The following PRDM10 variants were observed in gnomAD, a reference collection of about 807,000 sequenced individuals.
PRDM10 encodes the protein PR/SET domain 10, also known as PR domain zinc finger protein 10.
A neutral mutation model predicts 133.1 loss-of-function variants in PRDM10; 65 were observed. That is an observed-to-expected ratio of 0.49 (90% CI 0.40 to 0.60). The LOEUF is 0.60. Among genes scored for constraint, PRDM10 ranks in the 20% least tolerant of loss-of-function variants. PRDM10 has a pLI of 0.00. For missense variants in PRDM10, 1,137 were observed against 1,507.1 expected, an observed-to-expected ratio of 0.75 and a Z score of 4.07; for synonymous variants, 582 against 580.4, an observed-to-expected ratio of 1.00 and a Z score of -0.04.
intron 1 of PRDM10, among the ~76,000 whole-genome samples, chr11:129,977,369 C>T (rs928303526): frequency 1.3e-5 from 2 of 151,718 alleles, no homozygotes; most frequent in Non-Finnish European, 2.9e-5. Context: ...CTGCAATCTC[C>T]GACTCCCTGG....
Position 129,945,341 on chromosome 11 carries a change from G to A in PRDM10, c.521-329C>T, listed in dbSNP as rs1951371351. ...AACATGTCTGAAGAGTAAAAAGAGC[G>A]TATCAGGCTAAATGTTGCACTATCT... On this transcript the variant is annotated intron_variant, in intron 5 of 20. Coordinates refer to ENST00000360871, the MANE Select transcript of PRDM10 (RefSeq NM_199437.2). This position sits in a 1 kb window ranked among gnomAD's most constrained non-coding sequence, Gnocchi z 4.2. Among the ~76,000 whole-genome samples, 1 of 152,118 alleles carries A rather than the reference G, an allele frequency of 6.6e-6. No homozygotes were observed. Among genetic ancestry groups the A allele is most frequent in the South Asian group, 2.1e-4 (1 of 4,822 alleles).
chr11:129,946,715 C>T (rs1220978872), intron 5 of PRDM10, among the ~76,000 whole-genome samples: 2 of 152,120 alleles, frequency 1.3e-5, no homozygotes, highest in East Asian at 1.9e-4. Context: ...AGGGCACTCA[C>T]GCCTGGGATA....
chr11:129,956,825 T>C (rs1951705299), intron 3 of PRDM10, among the ~76,000 whole-genome samples: 1 of 152,166 alleles, frequency 6.6e-6, no homozygotes, highest in Non-Finnish European at 1.5e-5. Flanking sequence ...TGAGGGCAAA[T>C]TTTTCTTACC....
At chr11:129,956,712 T>C (rs1282853000) in intron 3 of PRDM10, among the ~76,000 whole-genome samples, 1 of 152,232 alleles carries the variant, frequency 6.6e-6, no homozygotes, top group East Asian at 1.9e-4. Flanking sequence ...AAAGTACCAC[T>C]AAGTCTTCAG....
intron 1 of PRDM10, among the ~76,000 whole-genome samples, chr11:129,971,788 G>A (rs981360318): frequency 3.5e-4 from 53 of 152,222 alleles, no homozygotes; most frequent in African/African-American, 2.4e-4. Context: ...ATCCCGCACC[G>A]GGGCTGCAGG....
At chr11:129,909,387 T>C (rs1591572172) in intron 19 of PRDM10, among the ~76,000 whole-genome samples, 1 of 150,988 alleles carries the variant, frequency 6.6e-6, no homozygotes, top group South Asian at 2.1e-4. Context: ...GAGGCGGAGG[T>C]TGCAGTGAGC....
At chr11:129,904,466 A>T (rs1949949168) in intron 20 of PRDM10, among the ~76,000 whole-genome samples, 1 of 152,176 alleles carries the variant, frequency 6.6e-6, no homozygotes, top group Non-Finnish European at 1.5e-5. Context: ...GCTGTACACA[A>T]GATCTCCAGA....
Position 129,947,731 on chromosome 11 carries a change from G to A in PRDM10, c.295-361C>T. 1 of 422,770 alleles carries A rather than the reference G, an allele frequency of 2.4e-6. No homozygotes were observed. The highest frequency in any genetic ancestry group is 2.4e-5 in the South Asian group (1 of 41,370). 26.2% of individuals were successfully genotyped at this position (422,770 alleles called of 1,614,324 possible). On this transcript the variant is annotated intron_variant, in intron 4 of 20. Transcript: ENST00000360871. The surrounding 1 kb of genome is among the most constrained non-coding windows in gnomAD (Gnocchi z 4.6). ...CCACCCCTAAAACTTAATAAAACCT[G>A]GTCTCTTCCTGGCTCATTCAGCCGT...
At chr11:129,996,516 A>T (rs1939072280) in intron 1 of PRDM10, among the ~76,000 whole-genome samples, 1 of 152,232 alleles carries the variant, frequency 6.6e-6, no homozygotes, top group African/African-American at 2.4e-5. Context: ...ACTCCACAGC[A>T]GAGGGGAACC....
At position 129,947,314 on chromosome 11, in the gene PRDM10, G is replaced by A. The variant is rs761246697; in HGVS notation, c.351C>T (p.Ser117=). 16 of 1,613,586 alleles carry A rather than the reference G, an allele frequency of 9.9e-6. No individual in the cohort carries two copies. Among genetic ancestry groups the A allele is most frequent in the Middle Eastern group, 3.3e-4 (2 of 6,084 alleles). Residue 117 remains serine (S), a synonymous_variant, in exon 5 of 21, where the codon TCC becomes TCT. Coordinates refer to ENST00000360871, the MANE Select transcript of PRDM10 (RefSeq NM_199437.2). This position sits in a 1 kb window ranked among gnomAD's most constrained non-coding sequence, Gnocchi z 4.6. ...GGGTCTGCAGAGTTGCCAAAGGGTC[G>A]GACCCATCTACACTCTCGATGGAAG... ...VLPSIESVDG[S]DPLATLQTPL...
chr11:129,998,401 G>C (rs1939172765), intron 1 of PRDM10, among the ~76,000 whole-genome samples: 1 of 152,054 alleles, frequency 6.6e-6, no homozygotes, highest in Non-Finnish European at 1.5e-5. Context: ...GGAGGAGGAG[G>C]AGCATTTGAC....
intron 17 of PRDM10, among the ~76,000 whole-genome samples, chr11:129,912,578 C>G (rs371792147): frequency 6.6e-6 from 1 of 151,674 alleles, no homozygotes; most frequent in African/African-American, 2.4e-5. Context: ...GGTGAAACCC[C>G]GTCTCTACTG....
At chr11:129,903,405 AT>A (rs1212315691) in intron 20 of PRDM10, among the ~76,000 whole-genome samples, 2 of 151,826 alleles carry the variant, frequency 1.3e-5, no homozygotes, top group Non-Finnish European at 2.9e-5. Context: ...TCAAATAGAC[AT>A]TTTAACACTC....
intron 9 of PRDM10, 122 bp downstream of exon 9, chr11:129,934,979 T>C: frequency 2.7e-6 from 2 of 732,370 alleles, no homozygotes; most frequent in Non-Finnish European, 4.6e-6. Context: ...GTTCCCTCAG[T>C]AGCCCACCTG....
At chr11:129,915,235 C>T (rs147551137) in intron 16 of PRDM10, among the ~76,000 whole-genome samples, 49 of 152,192 alleles carry the variant, frequency 3.2e-4, no homozygotes, top group Admixed American at 5.2e-4. Flanking sequence ...CCTGACCTCA[C>T]ACCATCAGCA....
chr11:129,902,230 C>A lies in PRDM10; in HGVS notation c.*83G>T. Reference sequence around the variant, plus strand: ...ACTCTTGAGTGAATAATAAATCTTACAAAAGAGCTCTACGTGTCAGAGCTT... The same window carrying A: ...ACTCTTGAGTGAATAATAAATCTTAAAAAAGAGCTCTACGTGTCAGAGCTT... On this transcript the variant is annotated 3_prime_UTR_variant, in exon 21 of 21. Coordinates refer to ENST00000360871, the MANE Select transcript of PRDM10 (RefSeq NM_199437.2). The A allele has an allele frequency of 6.7e-7, 1 of 1,485,308 alleles. No homozygotes were observed. The highest frequency in any genetic ancestry group is 9.1e-7 in the Non-Finnish European group (1 of 1,095,074). 92.0% of individuals were successfully genotyped at this position (1,485,308 alleles called of 1,614,324 possible).
At chr11:129,943,152 A>C (rs1195151330) in intron 6 of PRDM10, among the ~76,000 whole-genome samples, 1 of 152,192 alleles carries the variant, frequency 6.6e-6, no homozygotes, top group Non-Finnish European at 1.5e-5. Flanking sequence ...AGTTCTCTGG[A>C]GTGGTTATCC....
rs190321325 is a variant in PRDM10 at position 129,997,381 on chromosome 11, G to A, written c.-119+5341C>T. Among the ~76,000 whole-genome samples the A allele has an allele frequency of 1.7e-4, 26 of 149,970 alleles. No homozygotes were observed. In the East Asian group the frequency reaches 2.7e-3, roughly 16 times the overall value. On this transcript the variant is annotated intron_variant, in intron 1 of 20. Transcript: ENST00000360871. ...TGTACTGCCAGCTACTTGGGAGGCCGAGGTGGGAGGATCACTTGAGCCTGG... is the reference window on the plus strand; with the variant it reads ...TGTACTGCCAGCTACTTGGGAGGCCAAGGTGGGAGGATCACTTGAGCCTGG...
At chr11:129,929,881 G>A (rs1950799154) in intron 11 of PRDM10, among the ~76,000 whole-genome samples, 1 of 152,160 alleles carries the variant, frequency 6.6e-6, no homozygotes, top group African/African-American at 2.4e-5. Context: ...AAAGGAGAAG[G>A]ATGGATGGGA....
Sources: allele counts gnomAD v4.1 joint callset (sites outside exome capture counted in the v4.1 genomes callset), GRCh38; gene constraint gnomAD v4.1.1; non-coding constraint Gnocchi (gnomAD v3.1); transcripts MANE v1.5; gene names NCBI Gene and HGNC (gene_info 2026-07-23, HGNC 2026-07-21).